Variants in HEATR5B observed in about 807,000 individuals in gnomAD.
HEATR5B encodes the protein HEAT repeat-containing protein 5B.
HEATR5B carries 156 observed loss-of-function variants against 224.1 expected under a neutral mutation model. That is an observed-to-expected ratio of 0.70 (90% confidence interval 0.61 to 0.80). The LOEUF is 0.80. Among genes scored for constraint, HEATR5B ranks in the 30% least tolerant of loss-of-function variants. HEATR5B has a pLI of 0.00. For missense variants in HEATR5B, 2,323 were observed against 2,535.5 expected (o/e 0.92, Z 1.80); for synonymous variants, 1,027 against 893.0 (o/e 1.15, Z -2.68).
intron 22 of HEATR5B, among the ~76,000 whole-genome samples, chr2:37,031,110 A>T (rs1430643905): frequency 6.6e-6 from 1 of 152,186 alleles, no homozygotes; most frequent in Non-Finnish European, 1.5e-5. Flanking sequence ...GTCACAATCC[A>T]TTGCTGGGTT....
At chr2:37,066,121 C>G (rs1417435109) in intron 8 of HEATR5B, among the ~76,000 whole-genome samples, 1 of 152,182 alleles carries the variant, frequency 6.6e-6, no homozygotes, top group Non-Finnish European at 1.5e-5. Context: ...AAAATATATA[C>G]TGAGATACAT....
intron 18 of HEATR5B, among the ~76,000 whole-genome samples, chr2:37,048,986 T>C (rs1670371164): frequency 6.6e-6 from 1 of 152,236 alleles, no homozygotes; most frequent in Non-Finnish European, 1.5e-5. Flanking sequence ...CTAAGAATGA[T>C]ATAATTTACA....
intron 7 of HEATR5B, 129 bp downstream of exon 7, chr2:37,070,101 T>C (rs1032040544): frequency 7.6e-6 from 6 of 792,628 alleles, no homozygotes; most frequent in African/African-American, 6.9e-5. Flanking sequence ...GGTTTCACCA[T>C]GTTAGTCAGG....
At position 36,986,761 on chromosome 2, in the gene HEATR5B, C is replaced by T. The variant is rs564464874; in HGVS notation, c.5911+1885G>A. Among the ~76,000 whole-genome samples the T allele has an allele frequency of 3.9e-5, 6 of 152,166 alleles. No homozygotes were observed. In the East Asian group the frequency reaches 5.8e-4, roughly 15 times the overall value. On this transcript the variant is annotated intron_variant, in intron 35 of 35. Transcript: ENST00000233099. ...TCTCCCGAGTAGCTGGGATTACAGG[C>T]GCATACCACGAGGCCTGGCTAATTT...
chr2:37,036,617 T>C (rs1019305029), intron 21 of HEATR5B, among the ~76,000 whole-genome samples: 8 of 151,990 alleles, frequency 5.3e-5, no homozygotes, highest in Non-Finnish European at 8.8e-5. Context: ...GTTCAAGCAG[T>C]TCTCCTGCTT....
At chr2:37,002,947 G>C (rs909536765) in intron 31 of HEATR5B, among the ~76,000 whole-genome samples, 1 of 152,094 alleles carries the variant, frequency 6.6e-6, no homozygotes, top group African/African-American at 2.4e-5. Flanking sequence ...CTAAATGTAT[G>C]ATTAATTCTT....
chr2:37,015,534 C>T (rs1161971451), intron 26 of HEATR5B, among the ~76,000 whole-genome samples: 3 of 151,934 alleles, frequency 2.0e-5, no homozygotes, highest in East Asian at 1.9e-4. Flanking sequence ...TTTTAGGGGG[C>T]GGGTGAAGGG....
chr2:36,997,095 A>C (rs1464977425), intron 33 of HEATR5B, among the ~76,000 whole-genome samples: 1 of 150,662 alleles, frequency 6.6e-6, no homozygotes. Flanking sequence ...ATATCAACAC[A>C]GACATAAATA....
rs191149803 is a variant in HEATR5B at position 37,036,579 on chromosome 2, T to C, written c.3216+1276A>G. Among the ~76,000 whole-genome samples, 792 of 147,822 alleles carry C rather than the reference T, an allele frequency of 5.4e-3. 5 individuals are homozygous for C. Among genetic ancestry groups the C allele is most frequent in the Non-Finnish European group, 9.3e-3 (612 of 65,554 alleles). ...CAGGTTGGAGTGCAATGGCGCAATCTTGGCTCACTATAACCTCCACCTCCC... is the reference window on the plus strand; with the variant it reads ...CAGGTTGGAGTGCAATGGCGCAATCCTGGCTCACTATAACCTCCACCTCCC... On this transcript the variant is annotated intron_variant, in intron 21 of 35. Coordinates refer to ENST00000233099, the MANE Select transcript of HEATR5B (RefSeq NM_019024.3).
chr2:37,015,320 T>C (rs558536480), intron 26 of HEATR5B, among the ~76,000 whole-genome samples: 16 of 152,356 alleles, frequency 1.1e-4, no homozygotes, highest in Admixed American at 3.9e-4. Context: ...GGGATCATAT[T>C]ATTAGAATTG....
intron 27 of HEATR5B, among the ~76,000 whole-genome samples, chr2:37,011,248 A>G (rs1416124608): frequency 6.6e-6 from 1 of 152,188 alleles, no homozygotes; most frequent in Non-Finnish European, 1.5e-5. Context: ...ATAGGCAGAG[A>G]TGGAAAGGGA....
At chr2:37,057,969 G>T (rs567273053) in intron 14 of HEATR5B, among the ~76,000 whole-genome samples, 1 of 152,032 alleles carries the variant, frequency 6.6e-6, no homozygotes, top group Non-Finnish European at 1.5e-5. Flanking sequence ...GATTATACTG[G>T]AAAGAAATCA....
At position 37,000,740 on chromosome 2, in the gene HEATR5B, T is replaced by G. The variant is rs770569725; in HGVS notation, c.5391A>C (p.Ala1797=). The change falls in exon 33 of 36, where the codon GCA becomes GCC. Residue 1797 remains alanine, a synonymous_variant. Coordinates refer to ENST00000233099, the MANE Select transcript of HEATR5B (RefSeq NM_019024.3). ...RILKDTAIKS[A]DNQVPPPVSA... ...TGACTGGTGGAGGAACCTGATTATC[T>G]GCAGACTTTATTGCTGTGTCTTTCA... is the stretch of plus-strand genomic sequence containing the variant. 3.1e-6 allele frequency: 5 copies of G among 1,614,210 alleles called. No homozygotes were observed. The Admixed American group carries it at 8.3e-5, about 27-fold the overall frequency.
chr2:37,045,746 C>T (rs75418895), intron 18 of HEATR5B, among the ~76,000 whole-genome samples: 1,626 of 152,264 alleles, frequency 0.011, 32 homozygotes, highest in East Asian at 0.083. Context: ...ATTGCAAATG[C>T]TCTCTCCTCA....
chr2:37,047,035 CAAAAAAA>C (rs57343074), intron 18 of HEATR5B, among the ~76,000 whole-genome samples: 4 of 45,420 alleles, frequency 8.8e-5, no homozygotes, highest in Non-Finnish European at 1.6e-4. Flanking sequence ...GACTCCACCT[CAAAAAAA>C]AAAAAAAAAA....
At chr2:36,985,633 T>C (rs1175518774) in intron 35 of HEATR5B, among the ~76,000 whole-genome samples, 4 of 145,428 alleles carry the variant, frequency 2.8e-5, no homozygotes, top group Non-Finnish European at 6.0e-5. Flanking sequence ...TTTTTTTTTT[T>C]TTTTTTTTTT....
intron 5 of HEATR5B, among the ~76,000 whole-genome samples, 165 bp from the exon 6 acceptor site, chr2:37,072,446 T>C (rs898916911): frequency 6.6e-6 from 1 of 152,136 alleles, no homozygotes; most frequent in Non-Finnish European, 1.5e-5. Flanking sequence ...TGAAGCATCT[T>C]TGAGGAAAAA....
chr2:37,016,534 G>T (rs560541727), intron 26 of HEATR5B, among the ~76,000 whole-genome samples: 1 of 152,108 alleles, frequency 6.6e-6, no homozygotes, highest in African/African-American at 2.4e-5. Context: ...AAGATGTGTG[G>T]CAGCACCCCA....
At chr2:37,005,494 A>G (rs1300206382) in intron 30 of HEATR5B, 138 bp downstream of exon 30, 2 of 771,720 alleles carry the variant, frequency 2.6e-6, no homozygotes, top group Non-Finnish European at 4.2e-6. Context: ...TAACTGGGTG[A>G]ATAAATACAG....
Sources: allele counts gnomAD v4.1 joint callset (sites outside exome capture counted in the v4.1 genomes callset), GRCh38; gene constraint gnomAD v4.1.1; transcripts MANE v1.5; gene names NCBI Gene and HGNC (gene_info 2026-07-23, HGNC 2026-07-21).